Variants in ZSWIM6 observed in about 807,000 individuals in gnomAD.
ZSWIM6 encodes zinc finger SWIM-type containing 6.
Under a neutral mutation model 113.2 loss-of-function variants are expected in ZSWIM6, and 9 were observed. That is an observed-to-expected ratio of 0.08 (90% CI 0.05 to 0.14). The LOEUF is 0.14. Among genes scored for constraint, ZSWIM6 ranks in the 10% least tolerant of loss-of-function variants. ZSWIM6 has a pLI of 1.00. For synonymous variants in ZSWIM6, 611 were observed against 606.5 expected, an observed-to-expected ratio of 1.01 and a Z score of -0.11; for missense variants, 1,162 against 1,552.2, an observed-to-expected ratio of 0.75 and a Z score of 4.22.
chr5:61,526,105 CTGAGATT>C, intron 6 of ZSWIM6, 129 bp downstream of exon 6: 1 of 1,410,088 alleles, frequency 7.1e-7, no homozygotes, highest in Non-Finnish European at 9.5e-7. Context: ...GCAATAGGAG[CTGAGATT>C]TTCATTCAAA....
At chr5:61,526,769 A>C (rs2112269794) in intron 7 of ZSWIM6, among the ~76,000 whole-genome samples, 1 of 152,334 alleles carries the variant, frequency 6.6e-6, no homozygotes, top group East Asian at 1.9e-4. Context: ...GAATCCCGGC[A>C]ATCCTAACGT....
intron 1 of ZSWIM6, among the ~76,000 whole-genome samples, chr5:61,392,174 GT>G (rs962383858): frequency 1.1e-4 from 16 of 152,282 alleles, no homozygotes; most frequent in African/African-American, 3.9e-4. Flanking sequence ...TTCTAGTAGT[GT>G]TGATGAATTT....
At chr5:61,381,418 A>G (rs1405371691) in intron 1 of ZSWIM6, among the ~76,000 whole-genome samples, 2 of 152,210 alleles carry the variant, frequency 1.3e-5, no homozygotes, top group African/African-American at 4.8e-5. Flanking sequence ...TATTTTCCAA[A>G]TTCTTTTTTA....
At chr5:61,390,378 A>G (rs1466595361) in intron 1 of ZSWIM6, among the ~76,000 whole-genome samples, 2 of 152,214 alleles carry the variant, frequency 1.3e-5, no homozygotes, top group African/African-American at 2.4e-5. Context: ...TAATTTTTTA[A>G]GATTAGATAC....
intron 1 of ZSWIM6, among the ~76,000 whole-genome samples, chr5:61,421,512 G>T (rs181217688): frequency 7.9e-4 from 120 of 152,216 alleles, no homozygotes; most frequent in Admixed American, 1.3e-3. Flanking sequence ...AGGTTCAGGG[G>T]TACATGTGAA....
chr5:61,449,616 C>G (rs1286393146), intron 1 of ZSWIM6, among the ~76,000 whole-genome samples: 3 of 152,164 alleles, frequency 2.0e-5, no homozygotes, highest in Non-Finnish European at 4.4e-5. Context: ...TTATATCAGT[C>G]TGCACCTCAA....
At chr5:61,487,227 C>G (rs555539510) in intron 2 of ZSWIM6, among the ~76,000 whole-genome samples, 1 of 152,110 alleles carries the variant, frequency 6.6e-6, no homozygotes, top group South Asian at 2.1e-4. Flanking sequence ...TTTCTGAGTT[C>G]TCTGTTATGT....
At chr5:61,362,717 T>C (rs976224977) in intron 1 of ZSWIM6, among the ~76,000 whole-genome samples, 1 of 152,208 alleles carries the variant, frequency 6.6e-6, no homozygotes, top group Non-Finnish European at 1.5e-5. Flanking sequence ...ATCCCAAAGC[T>C]TTCTGTGCCA....
intron 1 of ZSWIM6, among the ~76,000 whole-genome samples, chr5:61,420,605 G>A (rs971308758): frequency 1.3e-5 from 2 of 152,242 alleles, no homozygotes; most frequent in African/African-American, 2.4e-5. Context: ...GGTAGAGAGT[G>A]TGTAGGGAGG....
chr5:61,522,184 C>T (rs138777571), intron 5 of ZSWIM6, among the ~76,000 whole-genome samples: 1 of 151,978 alleles, frequency 6.6e-6, no homozygotes, highest in East Asian at 1.9e-4. Flanking sequence ...AAAAAACTTC[C>T]TCCCTTGGCC....
At chr5:61,417,344 C>G (rs1746278513) in intron 1 of ZSWIM6, among the ~76,000 whole-genome samples, 1 of 152,190 alleles carries the variant, frequency 6.6e-6, no homozygotes, top group Non-Finnish European at 1.5e-5. Context: ...GAAAATCACT[C>G]AAGCGTGCCA....
At chr5:61,381,825 G>GT (rs569922600) in intron 1 of ZSWIM6, among the ~76,000 whole-genome samples, 5 of 152,134 alleles carry the variant, frequency 3.3e-5, no homozygotes, top group East Asian at 1.9e-4. Flanking sequence ...TTATATAGTA[G>GT]TTTTTTGTGT....
intron 1 of ZSWIM6, chr5:61,391,612 A>C (rs1194134991): frequency 1.1e-6 from 1 of 910,774 alleles, no homozygotes; most frequent in Non-Finnish European, 1.9e-6. Context: ...CACAATGGCC[A>C]CAACCACCAT....
At chr5:61,395,137 A>C (rs1260165825) in intron 1 of ZSWIM6, among the ~76,000 whole-genome samples, 1 of 152,188 alleles carries the variant, frequency 6.6e-6, no homozygotes, top group African/African-American at 2.4e-5. Context: ...AATGCAACTC[A>C]TCCTCCTTTC....
In ZSWIM6 at chr5:61,332,675, G is replaced by A; in HGVS notation, c.403G>A (p.Gly135Ser). ...SSFNTGGGAA[G>S]GPGDDSGGGG... ...CTTCAACACCGGCGGCGGCGCCGCG[G>A]GCGGCCCCGGCGACGACAGCGGTGG... Residue 135 changes from glycine (G) to serine (S), a missense_variant, in exon 1 of 14, where the codon GGC (glycine) becomes AGC (serine). Gly to Ser is a moderately conservative substitution (Grantham distance 56, BLOSUM62 0). Transcript: ENST00000252744. 9.1e-7 allele frequency: 1 copy of A among 1,095,046 alleles called. No homozygotes were observed. The highest frequency in any genetic ancestry group is 1.1e-6 in the Non-Finnish European group (1 of 880,420). 67.8% of individuals were successfully genotyped at this position (1,095,046 alleles called of 1,614,324 possible). A position where few individuals can be genotyped will look rare whatever the true frequency, so the allele number is the denominator to read the frequency against.
Position 61,543,666 on chromosome 5 carries a change from G to A in ZSWIM6, c.2997G>A (p.Ala999=), listed in dbSNP as rs367685952. The change falls in exon 14 of 14, where the codon GCG becomes GCA. Residue 999 remains alanine (A), a synonymous_variant. Coordinates refer to ENST00000252744, the MANE Select transcript of ZSWIM6 (RefSeq NM_020928.2). This position sits in a 1 kb window ranked among gnomAD's most constrained non-coding sequence, Gnocchi z 4.3. The stretch of plus-strand genomic sequence containing the variant: ...ATCCACAGAACTGTGCCCTCTCTGC[G>A]CTAACCCTTTGTGAAAAGGATCACA... The part of the protein sequence containing the change: ...MKDPQNCALS[A]LTLCEKDHIA... 2.4e-4 allele frequency: 380 copies of A among 1,551,590 alleles called. No homozygotes were observed. The highest frequency in any genetic ancestry group is 3.2e-4 in the Non-Finnish European group (363 of 1,147,004).
intron 1 of ZSWIM6, among the ~76,000 whole-genome samples, chr5:61,383,141 A>C (rs1745519637): frequency 6.6e-6 from 1 of 152,244 alleles, no homozygotes; most frequent in Non-Finnish European, 1.5e-5. Context: ...AATGTAACTT[A>C]CATACTTTTA....
At chr5:61,393,854 T>G (rs777076588) in intron 1 of ZSWIM6, among the ~76,000 whole-genome samples, 7 of 152,132 alleles carry the variant, frequency 4.6e-5, no homozygotes, top group African/African-American at 1.7e-4. Context: ...ATTTTTTGTC[T>G]TCTTCTTTAG....
intron 1 of ZSWIM6, among the ~76,000 whole-genome samples, chr5:61,465,895 C>T (rs1480664942): frequency 6.6e-6 from 1 of 152,040 alleles, no homozygotes; most frequent in African/African-American, 2.4e-5. Flanking sequence ...TTAGTGATTG[C>T]CGGCAAAATC....
Sources: gnomAD v4.1 joint callset for allele counts (sites outside exome capture counted in the v4.1 genomes callset) on GRCh38, gnomAD v4.1.1 for gene constraint, Gnocchi (gnomAD v3.1) non-coding constraint, MANE v1.5 for transcripts, NCBI Gene and HGNC (gene_info 2026-07-23, HGNC 2026-07-21) for gene names.